The following PHKB variants were observed in gnomAD, a reference collection of about 807,000 sequenced individuals.
PHKB encodes the protein phosphorylase kinase regulatory subunit beta, also known as phosphorylase b kinase regulatory subunit beta.
In PHKB, 122 loss-of-function variants were observed where a neutral mutation model predicts 152.1. The observed-to-expected ratio is 0.80, with a 90% confidence interval of 0.69 to 0.93. The LOEUF (loss-of-function observed/expected upper bound fraction) is 0.93. Among genes scored for constraint, PHKB ranks in the 40% least tolerant of loss-of-function variants. The pLI is 0.00. For missense variants in PHKB, 1,304 were observed against 1,328.4 expected (o/e 0.98, Z 0.29); for synonymous variants, 436 against 464.9 (o/e 0.94, Z 0.80).
intron 9 of PHKB, 46 bp downstream of exon 9, chr16:47,587,809 G>GTTA: frequency 7.6e-7 from 1 of 1,320,180 alleles, no homozygotes; most frequent in Non-Finnish European, 1.1e-6. Flanking sequence ...TATTGTTTAT[G>GTTA]ATTTCTATGT....
In PHKB at chr16:47,574,539, G is replaced by A. The variant is rs554505667; in HGVS notation, c.711-5756G>A. 2.6e-5 allele frequency among the ~76,000 whole-genome samples: 4 copies of A among 152,302 alleles called. No homozygotes were observed. The East Asian group carries it at 7.7e-4, about 29-fold the overall frequency. On this transcript the variant is annotated intron_variant, in intron 7 of 30. Transcript: ENST00000323584. ...ATGCTAACAATGCCTCCAATCTGGAGCCTGGGTAGTTTATAAAGAAAAGAG... is the reference window on the plus strand; with the variant it reads ...ATGCTAACAATGCCTCCAATCTGGAACCTGGGTAGTTTATAAAGAAAAGAG...
At position 47,589,063 on chromosome 16, in the gene PHKB, A is replaced by G. The variant is rs1379109143; in HGVS notation, c.1029A>G (p.Glu343=). ...GAGATGGGTATAGAACATCATTGGA[A>G]GATCCCAACAGATGCTACTACAAGC... is the stretch of plus-strand genomic sequence containing the variant. ...FLRDGYRTSL[E]DPNRCYYKPA... Residue 343 remains glutamate (E), a synonymous_variant, in exon 10 of 31, where the codon GAA becomes GAG. Transcript: ENST00000323584. 1 of 1,613,354 alleles carries G rather than the reference A, an allele frequency of 6.2e-7. No individual in the cohort carries two copies. Among genetic ancestry groups the G allele is most frequent in the East Asian group, 2.2e-5 (1 of 44,882 alleles).
chr16:47,699,473 G>T lies in PHKB; in HGVS notation c.*107G>T. On this transcript the variant is annotated 3_prime_UTR_variant, in exon 31 of 31. Coordinates refer to ENST00000323584, the MANE Select transcript of PHKB (RefSeq NM_000293.3). The stretch of plus-strand genomic sequence containing the variant: ...ATTAATATACGAACTGAGCATGCTG[G>T]GGAGGTGAATGCCACATCCTTGGCG... The T allele has an allele frequency of 7.6e-7, 1 of 1,307,660 alleles. No homozygotes were observed. Among genetic ancestry groups the T allele is most frequent in the Non-Finnish European group, 1.1e-6 (1 of 901,602 alleles). The allele number at this position is 1,307,660 out of a possible 1,614,324, so 81.0% of individuals were successfully genotyped here.
At chr16:47,502,268 TAAA>T (rs1191074532) in intron 3 of PHKB, among the ~76,000 whole-genome samples, 1 of 152,138 alleles carries the variant, frequency 6.6e-6, no homozygotes, top group African/African-American at 2.4e-5. Flanking sequence ...TGATTTATAA[TAAA>T]AAGCAACTTG....
At chr16:47,672,064 A>G (rs1973647826) in intron 26 of PHKB, among the ~76,000 whole-genome samples, 1 of 152,116 alleles carries the variant, frequency 6.6e-6, no homozygotes, top group Non-Finnish European at 1.5e-5. Context: ...TCTACTTTCT[A>G]AGTTACATTT....
intron 18 of PHKB, among the ~76,000 whole-genome samples, chr16:47,650,263 TA>T (rs1199175746): frequency 6.6e-6 from 1 of 151,826 alleles, no homozygotes; most frequent in Non-Finnish European, 1.5e-5. Flanking sequence ...GATTAACATT[TA>T]AAAAAAAGAG....
At chr16:47,519,084 G>A (rs896506497) in intron 6 of PHKB, among the ~76,000 whole-genome samples, 1 of 152,126 alleles carries the variant, frequency 6.6e-6, no homozygotes, top group African/African-American at 2.4e-5. Flanking sequence ...GCACATTTAG[G>A]TTGCAAGCCT....
intron 7 of PHKB, among the ~76,000 whole-genome samples, chr16:47,576,408 T>A (rs1236742565): frequency 6.6e-6 from 1 of 152,216 alleles, no homozygotes; most frequent in Non-Finnish European, 1.5e-5. Flanking sequence ...AAACCCTACT[T>A]AGTCATGGTG....
intron 13 of PHKB, among the ~76,000 whole-genome samples, chr16:47,609,553 T>TG (rs1972388656): frequency 7.0e-6 from 1 of 143,734 alleles, no homozygotes; most frequent in African/African-American, 2.7e-5. Flanking sequence ...GTGTGTGTGT[T>TG]TGTGTGTGTG....
At position 47,641,484 on chromosome 16, in the gene PHKB, C is replaced by G; in HGVS notation, c.1515-115C>G. On this transcript the variant is annotated intron_variant, in intron 15 of 30. Transcript: ENST00000323584. Reference sequence around the variant, plus strand: ...GCAGATGGCAAATTGCTAATACTAACAAATTAATAATGCCCTCCAAGTTAA... The same window carrying G: ...GCAGATGGCAAATTGCTAATACTAAGAAATTAATAATGCCCTCCAAGTTAA... 4.3e-6 allele frequency: 3 copies of G among 699,326 alleles called. No individual in the cohort carries two copies. In the South Asian group the frequency reaches 4.7e-5, roughly 11 times the overall value. The allele number at this position is 699,326 out of a possible 1,614,324, so 43.3% of individuals were successfully genotyped here.
At chr16:47,530,067 A>G (rs1214724534) in intron 6 of PHKB, among the ~76,000 whole-genome samples, 1 of 152,082 alleles carries the variant, frequency 6.6e-6, no homozygotes, top group African/African-American at 2.4e-5. Context: ...TGCAGCAGAT[A>G]TCACATTAGA....
At chr16:47,463,760 G>A (rs932358203) in intron 1 of PHKB, 7 of 636,146 alleles carry the variant, frequency 1.1e-5, no homozygotes, top group Non-Finnish European at 2.0e-5. Context: ...AGTCATAAAA[G>A]AGAAAATAAA....
At chr16:47,586,051 T>C (rs1971929671) in intron 8 of PHKB, among the ~76,000 whole-genome samples, 1 of 152,190 alleles carries the variant, frequency 6.6e-6, no homozygotes, top group Non-Finnish European at 1.5e-5. Flanking sequence ...CTACCCTACT[T>C]GCTCCCATTT....
At chr16:47,595,645 T>C (rs1271172641) in intron 12 of PHKB, among the ~76,000 whole-genome samples, 1 of 152,198 alleles carries the variant, frequency 6.6e-6, no homozygotes, top group East Asian at 1.9e-4. Context: ...AGTATCTCAT[T>C]TGTGAAGCTT....
At position 47,502,976 on chromosome 16, in the gene PHKB, A is replaced by G. The variant is rs372436374; in HGVS notation, c.306-15A>G. 43 of 1,558,862 alleles carry G rather than the reference A, an allele frequency of 2.8e-5. 2 individuals are homozygous for G. Among genetic ancestry groups the G allele is most frequent in the Admixed American group, 8.3e-5 (5 of 59,928 alleles). On this transcript the variant is annotated splice_polypyrimidine_tract_variant and intron_variant, in intron 3 of 30. Transcript: ENST00000323584. ...GCATTTCCAATTAGTTTCATGAGTT[A>G]TCTCTCTCACCCAGGCGAATTGATG...
intron 8 of PHKB, among the ~76,000 whole-genome samples, chr16:47,580,594 A>G (rs1597100442): frequency 6.6e-6 from 1 of 150,886 alleles, no homozygotes; most frequent in Non-Finnish European, 1.5e-5. Flanking sequence ...TTTTTGATAA[A>G]GAATTCTGAT....
At chr16:47,638,745 G>C (rs1453361559) in intron 14 of PHKB, among the ~76,000 whole-genome samples, 1 of 152,188 alleles carries the variant, frequency 6.6e-6, no homozygotes, top group Non-Finnish European at 1.5e-5. Context: ...TTCTAACATG[G>C]AGTCTTGTGG....
intron 20 of PHKB, among the ~76,000 whole-genome samples, chr16:47,652,628 G>T (rs569368322): frequency 2.6e-4 from 39 of 151,416 alleles, no homozygotes; most frequent in Admixed American, 4.6e-4. Flanking sequence ...TGTTTTTTTT[G>T]TTGTTGTTGT....
At chr16:47,492,399 A>G (rs1970164684) in intron 1 of PHKB, among the ~76,000 whole-genome samples, 1 of 152,252 alleles carries the variant, frequency 6.6e-6, no homozygotes, top group Non-Finnish European at 1.5e-5. Flanking sequence ...AAGCTAATTT[A>G]AAAGTCAACT....
Sources: gnomAD v4.1 joint callset for allele counts (sites outside exome capture counted in the v4.1 genomes callset) on GRCh38, gnomAD v4.1.1 for gene constraint, MANE v1.5 for transcripts, NCBI Gene and HGNC (gene_info 2026-07-23, HGNC 2026-07-21) for gene names.